The following SNTB2 variants were observed in gnomAD, a reference collection of about 807,000 sequenced individuals.
SNTB2 encodes the protein beta-2-syntrophin.
Under a neutral mutation model 46.2 loss-of-function variants are expected in SNTB2, and 34 were observed. The ratio of observed to expected loss-of-function variants is 0.74; its 90% CI spans 0.56 to 0.98. The LOEUF (loss-of-function observed/expected upper bound fraction) is 0.98, where lower values mean the gene tolerates loss of function less well. Among genes scored for constraint, SNTB2 ranks in the 50% least tolerant of loss-of-function variants. SNTB2 has a pLI of 0.00. For synonymous variants in SNTB2, 290 were observed against 312.6 expected (o/e 0.93, Z 0.76); for missense variants, 603 against 731.4 (o/e 0.82, Z 2.02).
At chr16:69,285,766 C>T (rs905842861) in intron 5 of SNTB2, among the ~76,000 whole-genome samples, 1 of 150,858 alleles carries the variant, frequency 6.6e-6, no homozygotes, top group Admixed American at 6.6e-5. Context: ...GCTGGGATTC[C>T]AGGCAGTGGC....
chr16:69,203,167 AC>A (rs1282692689), intron 1 of SNTB2, among the ~76,000 whole-genome samples: 1 of 147,358 alleles, frequency 6.8e-6, no homozygotes, highest in Non-Finnish European at 1.5e-5. Flanking sequence ...ACAGGCGCCC[AC>A]CACCACGCCT....
chr16:69,285,659 T>A (rs1384079169), intron 5 of SNTB2, among the ~76,000 whole-genome samples: 52 of 124,506 alleles, frequency 4.2e-4, no homozygotes, highest in South Asian at 4.6e-4. Context: ...AAAAAAAAAA[T>A]TTTTTTTTTT....
At chr16:69,281,499 G>GTTTT (rs1182165949) in intron 4 of SNTB2, among the ~76,000 whole-genome samples, 1 of 111,682 alleles carries the variant, frequency 9.0e-6, no homozygotes, top group Non-Finnish European at 2.0e-5. Flanking sequence ...TTTTTTTTTT[G>GTTTT]TTTTTTTTTT....
intron 1 of SNTB2, among the ~76,000 whole-genome samples, chr16:69,202,493 C>T (rs1964172824): frequency 6.6e-6 from 1 of 152,068 alleles, no homozygotes; most frequent in Admixed American, 6.6e-5. Flanking sequence ...GCCTCCATCT[C>T]CCAGGCTCAG....
chr16:69,290,061 A>G (rs921002799), intron 5 of SNTB2, among the ~76,000 whole-genome samples: 1 of 152,268 alleles, frequency 6.6e-6, no homozygotes, highest in Admixed American at 6.5e-5. Flanking sequence ...ATGAATACCT[A>G]CAAAATGTGA....
At chr16:69,229,118 A>T (rs1385259204) in intron 1 of SNTB2, among the ~76,000 whole-genome samples, 1 of 152,128 alleles carries the variant, frequency 6.6e-6, no homozygotes, top group Admixed American at 6.5e-5. Flanking sequence ...TTGTTTTGCT[A>T]TTGAATCTAT....
At chr16:69,280,187 C>A (rs1389032142) in intron 4 of SNTB2, among the ~76,000 whole-genome samples, 3 of 152,188 alleles carry the variant, frequency 2.0e-5, no homozygotes, top group Admixed American at 2.0e-4. Flanking sequence ...GGTAAGGTCA[C>A]CGATCAACAG....
At chr16:69,202,536 G>A (rs184273283) in intron 1 of SNTB2, among the ~76,000 whole-genome samples, 45 of 151,912 alleles carry the variant, frequency 3.0e-4, no homozygotes, top group African/African-American at 1.0e-3. Flanking sequence ...CTGAGTAGCT[G>A]GGATTACAGA....
intron 4 of SNTB2, among the ~76,000 whole-genome samples, chr16:69,282,130 C>G (rs1023831803): frequency 6.7e-6 from 1 of 149,340 alleles, no homozygotes; most frequent in Non-Finnish European, 1.5e-5. Context: ...GACTTAAACT[C>G]CTGACCTCAA....
At position 69,301,691 on chromosome 16, in the gene SNTB2, T is replaced by C. The variant is rs944853102; in HGVS notation, c.*767T>C. The C allele has an allele frequency of 2.0e-5, 3 of 152,690 alleles. No individual in the cohort carries two copies. Among genetic ancestry groups the C allele is most frequent in the Non-Finnish European group, 4.4e-5 (3 of 68,044 alleles). 9.5% of individuals were successfully genotyped at this position (152,690 alleles called of 1,614,324 possible). ...CTTGGTTTAGGTTTTTCCAATTTTA[T>C]TTTTGTTAGGAGCCAGGGGATAAGA... On this transcript the variant is annotated 3_prime_UTR_variant, in exon 7 of 7. Coordinates refer to ENST00000336278, the MANE Select transcript of SNTB2 (RefSeq NM_006750.4).
At position 69,288,098 on chromosome 16, in the gene SNTB2, A is replaced by G. The variant is rs150257839; in HGVS notation, c.1345+3854A>G. 4.9e-3 allele frequency among the ~76,000 whole-genome samples: 753 copies of G among 152,160 alleles called. 10 individuals carry two copies. In the Middle Eastern group the frequency reaches 0.079, roughly 16 times the overall value. ...TGGCTTACACCAGAATCACACTGGG[A>G]TGCTCTGTGTTCCTGTGGGCAGTCG... is the stretch of plus-strand genomic sequence containing the variant. On this transcript the variant is annotated intron_variant, in intron 5 of 6. Coordinates refer to ENST00000336278, the MANE Select transcript of SNTB2 (RefSeq NM_006750.4).
intron 1 of SNTB2, among the ~76,000 whole-genome samples, chr16:69,189,898 A>G (rs1484601179): frequency 6.6e-6 from 1 of 152,198 alleles, no homozygotes; most frequent in African/African-American, 2.4e-5. Flanking sequence ...GCCGCATAAT[A>G]ACATGTTTAT....
At chr16:69,272,904 A>G (rs1003652335) in intron 4 of SNTB2, among the ~76,000 whole-genome samples, 5 of 151,862 alleles carry the variant, frequency 3.3e-5, no homozygotes, top group Admixed American at 1.3e-4. Flanking sequence ...AAAAAAAAAA[A>G]AAAAGAAATG....
chr16:69,245,688 C>G lies in SNTB2; in HGVS notation c.667C>G (p.Pro223Ala). The G allele has an allele frequency of 6.2e-7, 1 of 1,614,092 alleles. No individual in the cohort carries two copies. Among genetic ancestry groups the G allele is most frequent in the Admixed American group, 1.7e-5 (1 of 60,006 alleles). ...LPWEGAAPQS[P>A]SFSGSEDSGS... ...GTGGGAAGGTGCAGCCCCCCAGTCA[C>G]CAAGCTTTAGTGGCAGTGAGGACTC... Residue 223 changes from proline to alanine, a missense_variant, in exon 2 of 7, where the codon CCA becomes GCA. By Grantham distance (27) the Pro-to-Ala change is conservative. Transcript: ENST00000336278.
At position 69,260,346 on chromosome 16, in the gene SNTB2, C is replaced by A. The variant is rs1038339575; in HGVS notation, c.1005+86C>A. ...CATTTAATATATCTGTAATACTTAC[C>A]ATGCAGTTAGGACCTGGATATCTAG... On this transcript the variant is annotated intron_variant, in intron 3 of 6. Coordinates refer to ENST00000336278, the MANE Select transcript of SNTB2 (RefSeq NM_006750.4). 35 of 1,254,120 alleles carry A rather than the reference C, an allele frequency of 2.8e-5. 4 individuals are homozygous for A. The South Asian group carries it at 4.5e-4, about 16-fold the overall frequency. 77.7% of individuals were successfully genotyped at this position (1,254,120 alleles called of 1,614,324 possible).
At chr16:69,269,824 C>T (rs1455891572) in intron 3 of SNTB2, among the ~76,000 whole-genome samples, 1 of 152,060 alleles carries the variant, frequency 6.6e-6, no homozygotes, top group Non-Finnish European at 1.5e-5. Context: ...CGCCTGTAAT[C>T]CCAGCACTTT....
chr16:69,279,549 G>A (rs1266748576), intron 4 of SNTB2, among the ~76,000 whole-genome samples: 5 of 79,130 alleles, frequency 6.3e-5, no homozygotes, highest in Admixed American at 4.8e-4. Context: ...TTTTTGAGAC[G>A]GAATCTCACT....
At chr16:69,204,083 G>A (rs1412499391) in intron 1 of SNTB2, among the ~76,000 whole-genome samples, 2 of 152,184 alleles carry the variant, frequency 1.3e-5, no homozygotes, top group Non-Finnish European at 2.9e-5. Context: ...AGTGGAGCCG[G>A]AGTTTCACCA....
At position 69,308,808 on chromosome 16, in the gene SNTB2, ATCT is replaced by A. The variant is rs1041828787; in HGVS notation, c.*7888_*7890del. On this transcript the variant is annotated 3_prime_UTR_variant, in exon 7 of 7. Transcript: ENST00000336278. ...GTCTTGTTTGAAATTTAAGTCTCAG[ATCT>A]TCTGGATACCAAATCAAAAACCCAA... 1.3e-5 allele frequency: 2 copies of A among 152,216 alleles called. No homozygotes were observed. Among genetic ancestry groups the A allele is most frequent in the African/African-American group, 4.8e-5 (2 of 41,446 alleles). The allele number at this position is 152,216 out of a possible 1,614,324, so 9.4% of individuals were successfully genotyped here.
Sources: allele counts gnomAD v4.1 joint callset (sites outside exome capture counted in the v4.1 genomes callset), GRCh38; gene constraint gnomAD v4.1.1; transcripts MANE v1.5; gene names NCBI Gene and HGNC (gene_info 2026-07-23, HGNC 2026-07-21).